IL2RA: variants seen among roughly 807,000 people sequenced by gnomAD.
The protein encoded by IL2RA is interleukin 2 receptor subunit alpha, also known as interleukin-2 receptor subunit alpha.
IL2RA carries 24 observed loss-of-function variants against 37.8 expected under a neutral mutation model. The observed-to-expected ratio is 0.63, with a 90% CI of 0.46 to 0.89. IL2RA has a LOEUF of 0.89. IL2RA is among the 40% of genes least tolerant of loss of function. The pLI is 0.00. For missense variants in IL2RA, 319 were observed against 348.6 expected, an observed-to-expected ratio of 0.92 and a Z score of 0.68; for synonymous variants, 125 against 114.6, an observed-to-expected ratio of 1.09 and a Z score of -0.58.
chr10:6,037,972 T>C (rs1441902482), intron 1 of IL2RA, among the ~76,000 whole-genome samples: 1 of 152,202 alleles, frequency 6.6e-6, no homozygotes, highest in Non-Finnish European at 1.5e-5. Flanking sequence ...ACCAGAAGTT[T>C]AGGCCGTATA....
intron 1 of IL2RA, among the ~76,000 whole-genome samples, chr10:6,053,235 C>T (rs746740934): frequency 6.6e-6 from 1 of 152,220 alleles, no homozygotes; most frequent in African/African-American, 2.4e-5. Flanking sequence ...CTAGCCCCTT[C>T]CTCGTTGGGC....
intron 1 of IL2RA, among the ~76,000 whole-genome samples, chr10:6,032,269 T>G (rs1415354872): frequency 6.6e-6 from 1 of 152,254 alleles, no homozygotes; most frequent in East Asian, 1.9e-4. Context: ...ACTAAAAAGA[T>G]TTCAGAAGAA....
In IL2RA at chr10:6,018,755, G is replaced by A. The variant is rs948201835; in HGVS notation, c.728-636C>T. ...ACAGCATCCTGTAACTGGTTCATGC[G>A]AATTCTGAGTTACGTCAGTATCTGG... is the stretch of plus-strand genomic sequence containing the variant. On this transcript the variant is annotated intron_variant, in intron 6 of 7. Coordinates refer to ENST00000379959, the MANE Select transcript of IL2RA (RefSeq NM_000417.3). This position sits in a 1 kb window ranked among gnomAD's most constrained non-coding sequence, Gnocchi z 5.1. Among the ~76,000 whole-genome samples the A allele has an allele frequency of 4.6e-5, 7 of 152,140 alleles. No homozygotes were observed. The highest frequency in any genetic ancestry group is 9.7e-5 in the African/African-American group (4 of 41,418).
intron 1 of IL2RA, among the ~76,000 whole-genome samples, chr10:6,053,859 T>A: frequency 6.6e-6 from 1 of 152,200 alleles, no homozygotes; most frequent in East Asian, 1.9e-4. Flanking sequence ...AAGGACTCAA[T>A]TGCTGCTAGT....
In IL2RA at chr10:6,015,442, C is replaced by T. The variant is rs959018012; in HGVS notation, c.795-2546G>A. On this transcript the variant is annotated intron_variant, in intron 7 of 7. Coordinates refer to ENST00000379959, the MANE Select transcript of IL2RA (RefSeq NM_000417.3). The surrounding 1 kb of genome is among the most constrained non-coding windows in gnomAD (Gnocchi z 4.9). ...TGCGGTGATCCTCAGAGTCTGCTCC[C>T]TGGAACGGCAGCGTCAGTATCACCT... Among the ~76,000 whole-genome samples the T allele has an allele frequency of 6.6e-6, 1 of 152,248 alleles. No individual in the cohort carries two copies. Among genetic ancestry groups the T allele is most frequent in the South Asian group, 2.1e-4 (1 of 4,818 alleles).
intron 1 of IL2RA, among the ~76,000 whole-genome samples, chr10:6,041,167 G>C (rs1650219369): frequency 6.7e-6 from 1 of 150,128 alleles, no homozygotes; most frequent in African/African-American, 2.5e-5. Flanking sequence ...TCCCAGGCTG[G>C]AGTGCAGTGG....
chr10:6,056,214 A>G lies in IL2RA; in HGVS notation c.64+5874T>C, dbSNP rs12722494. ...TTCAGAATGGGAGCCATTCAGCAGC[A>G]GTTTCATCTCCCGTGTTAAACTGTG... On this transcript the variant is annotated intron_variant, in intron 1 of 7. Coordinates refer to ENST00000379959, the MANE Select transcript of IL2RA (RefSeq NM_000417.3). The surrounding 1 kb of genome is among the most constrained non-coding windows in gnomAD (Gnocchi z 5.0). 0.044 allele frequency among the ~76,000 whole-genome samples: 6,758 copies of G among 152,316 alleles called. 296 individuals carry two copies. The highest frequency in any genetic ancestry group is 0.14 in the Admixed American group (2,162 of 15,294).
chr10:6,046,237 A>C lies in IL2RA; in HGVS notation c.64+15851T>G, dbSNP rs1260562984. ...ATCATGCCTTTTCACAGACAATGAC[A>C]ATCCAAATGTGGAAACACAGGGAGA... On this transcript the variant is annotated intron_variant, in intron 1 of 7. Transcript: ENST00000379959. The surrounding 1 kb of genome is among the most constrained non-coding windows in gnomAD (Gnocchi z 4.8). 6.6e-6 allele frequency among the ~76,000 whole-genome samples: 1 copy of C among 152,222 alleles called. No homozygotes were observed. The highest frequency in any genetic ancestry group is 2.4e-5 in the African/African-American group (1 of 41,446).
At position 6,057,348 on chromosome 10, in the gene IL2RA, G is replaced by T. The variant is rs1840061036; in HGVS notation, c.64+4740C>A. ...GAAATAACCCACAATGAGACATCAG[G>T]CTTGGGTGCATTGATACACAAAAGT... On this transcript the variant is annotated intron_variant, in intron 1 of 7. Coordinates refer to ENST00000379959, the MANE Select transcript of IL2RA (RefSeq NM_000417.3). The surrounding 1 kb of genome is among the most constrained non-coding windows in gnomAD (Gnocchi z 4.8). Among the ~76,000 whole-genome samples the T allele has an allele frequency of 6.6e-6, 1 of 152,182 alleles. No homozygotes were observed. The highest frequency in any genetic ancestry group is 2.4e-5 in the African/African-American group (1 of 41,444).
At chr10:6,030,312 A>G (rs1444281561) in intron 1 of IL2RA, among the ~76,000 whole-genome samples, 1 of 152,220 alleles carries the variant, frequency 6.6e-6, no homozygotes, top group Non-Finnish European at 1.5e-5. Context: ...ACCAAGCAAG[A>G]TACGTATAAA....
intron 1 of IL2RA, among the ~76,000 whole-genome samples, chr10:6,061,330 A>C (rs1488529143): frequency 6.6e-6 from 1 of 151,968 alleles, no homozygotes; most frequent in Non-Finnish European, 1.5e-5. Flanking sequence ...AGGTTGCAGT[A>C]AGCCAATATC....
At chr10:6,050,389 C>T (rs1422577501) in intron 1 of IL2RA, among the ~76,000 whole-genome samples, 1 of 152,196 alleles carries the variant, frequency 6.6e-6, no homozygotes, top group Non-Finnish European at 1.5e-5. Flanking sequence ...GTAATCCCAG[C>T]ACTTTGGGAG....
chr10:6,026,146 C>A (rs956261478), intron 1 of IL2RA, 121 bp from the exon 2 acceptor site: 2 of 1,061,750 alleles, frequency 1.9e-6, no homozygotes, highest in African/African-American at 3.2e-5. Flanking sequence ...GTATGCCCTA[C>A]TTTTTGTGAG....
rs79864766 is a variant in IL2RA at position 6,052,295 on chromosome 10, G to C, written c.64+9793C>G. ...GATGTGAGATGTGCTGGGTTTTGCA[G>C]GGGTAATGAACATCGATCTGTGTGT... On this transcript the variant is annotated intron_variant, in intron 1 of 7. Transcript: ENST00000379959. 2.0e-4 allele frequency among the ~76,000 whole-genome samples: 30 copies of C among 152,254 alleles called. No individual in the cohort carries two copies. In the East Asian group the frequency reaches 5.4e-3, roughly 27 times the overall value.
chr10:6,039,329 T>C (rs1162352588), intron 1 of IL2RA: 1 of 152,254 alleles, frequency 6.6e-6, no homozygotes, highest in African/African-American at 2.4e-5. Flanking sequence ...TACGTACTTC[T>C]ATGCACCCAA....
chr10:6,042,466 A>G (rs1839787670), intron 1 of IL2RA, among the ~76,000 whole-genome samples: 1 of 152,196 alleles, frequency 6.6e-6, no homozygotes, highest in Non-Finnish European at 1.5e-5. Context: ...AATGGTGGAA[A>G]CATATACAAT....
chr10:6,058,199 G>A lies in IL2RA; in HGVS notation c.64+3889C>T, dbSNP rs543211829. 5.3e-5 allele frequency among the ~76,000 whole-genome samples: 8 copies of A among 152,296 alleles called. No homozygotes were observed. The East Asian group carries it at 1.3e-3, about 26-fold the overall frequency. On this transcript the variant is annotated intron_variant, in intron 1 of 7. Transcript: ENST00000379959. This position sits in a 1 kb window ranked among gnomAD's most constrained non-coding sequence, Gnocchi z 4.2. The stretch of plus-strand genomic sequence containing the variant: ...AGGCTTTAGGCAAAAACCAGTCTGG[G>A]AATACTTCTCTATCAGGGGAGTGGG...
intron 1 of IL2RA, among the ~76,000 whole-genome samples, chr10:6,049,412 T>A (rs1839912809): frequency 6.6e-6 from 1 of 152,216 alleles, no homozygotes; most frequent in South Asian, 2.1e-4. Flanking sequence ...CAAATGCTAG[T>A]GTCTCCTGGA....
intron 1 of IL2RA, among the ~76,000 whole-genome samples, chr10:6,041,497 A>G (rs1407789923): frequency 1.3e-5 from 2 of 152,242 alleles, no homozygotes; most frequent in Non-Finnish European, 1.5e-5. Context: ...AAGGAAACTC[A>G]ATCAATTTAA....
Sources: gnomAD v4.1 joint callset for allele counts (sites outside exome capture counted in the v4.1 genomes callset) on GRCh38, gnomAD v4.1.1 for gene constraint, Gnocchi (gnomAD v3.1) non-coding constraint, MANE v1.5 for transcripts, NCBI Gene and HGNC (gene_info 2026-07-23, HGNC 2026-07-21) for gene names.